The following ZNF280D variants were observed in gnomAD, a reference collection of about 807,000 sequenced individuals.
ZNF280D encodes the protein zinc finger protein 280D.
ZNF280D carries 39 observed loss-of-function variants against 94.7 expected under a neutral mutation model. That is an observed-to-expected ratio of 0.41 (90% CI 0.32 to 0.54). The LOEUF is 0.54. Ranked by LOEUF, ZNF280D falls within the 20% of genes least tolerant of loss-of-function variation. The pLI, the probability that ZNF280D is intolerant of heterozygous loss-of-function variation, is 0.22. For missense variants in ZNF280D, 1,090 were observed against 1,149.3 expected, an observed-to-expected ratio of 0.95 and a Z score of 0.75; for synonymous variants, 398 against 377.6, an observed-to-expected ratio of 1.05 and a Z score of -0.63.
At position 56,664,460 on chromosome 15, in the gene ZNF280D, G is replaced by A. The variant is rs372355388; in HGVS notation, c.1994+1935C>T. 3.1e-4 allele frequency among the ~76,000 whole-genome samples: 47 copies of A among 152,252 alleles called. No individual in the cohort carries two copies. In the South Asian group the frequency reaches 7.9e-3, roughly 26 times the overall value. The stretch of plus-strand genomic sequence containing the variant: ...AATATGGTCATGGTGAACTGGGGGA[G>A]AAAGGACAGTTAATGGGGAAGTGAG... On this transcript the variant is annotated intron_variant, in intron 16 of 21. Transcript: ENST00000267807.
chr15:56,644,537 A>G (rs1415233633), intron 19 of ZNF280D, among the ~76,000 whole-genome samples: 1 of 152,134 alleles, frequency 6.6e-6, no homozygotes, highest in African/African-American at 2.4e-5. Context: ...CAGTTTGAAA[A>G]ACAAATTGGT....
chr15:56,653,651 A>AC, intron 19 of ZNF280D: 6 of 1,408,386 alleles, frequency 4.3e-6, no homozygotes, highest in African/African-American at 1.5e-5. Context: ...AGAAAAAGAC[A>AC]ATTATCTGGC....
intron 1 of ZNF280D, among the ~76,000 whole-genome samples, chr15:56,710,320 C>T (rs1355257082): frequency 6.6e-6 from 1 of 152,114 alleles, no homozygotes; most frequent in African/African-American, 2.4e-5. Context: ...AGGAGAATCG[C>T]TTGAACCCAA....
chr15:56,714,946 T>A (rs552783926), intron 1 of ZNF280D, among the ~76,000 whole-genome samples: 2 of 152,108 alleles, frequency 1.3e-5, no homozygotes, highest in Admixed American at 6.6e-5. Flanking sequence ...AAGTTACCTA[T>A]TAGGGGGATT....
At chr15:56,674,694 G>A (rs1377105138) in intron 13 of ZNF280D, among the ~76,000 whole-genome samples, 1 of 152,028 alleles carries the variant, frequency 6.6e-6, no homozygotes, top group Non-Finnish European at 1.5e-5. Flanking sequence ...GAAAATGCAT[G>A]TAAAGTACCA....
chr15:56,689,492 G>A, intron 7 of ZNF280D, 22 bp from the exon 8 acceptor site: 6 of 1,382,738 alleles, frequency 4.3e-6, no homozygotes, highest in East Asian at 2.6e-5. Context: ...TAAATAGTGA[G>A]AAAAATATTT....
chr15:56,697,436 C>A (rs1358188958), intron 6 of ZNF280D, among the ~76,000 whole-genome samples: 1 of 152,190 alleles, frequency 6.6e-6, no homozygotes, highest in Non-Finnish European at 1.5e-5. Flanking sequence ...CCACTCGCCT[C>A]GGCCTCCCAA....
chr15:56,639,517 A>T (rs1165035552), intron 20 of ZNF280D, among the ~76,000 whole-genome samples: 1 of 152,146 alleles, frequency 6.6e-6, no homozygotes, highest in Non-Finnish European at 1.5e-5. Context: ...ATTTCAAAAC[A>T]CCAGTGACAG....
intron 12 of ZNF280D, 141 bp downstream of exon 12, chr15:56,677,433 T>C: frequency 1.7e-6 from 1 of 574,312 alleles, no homozygotes; most frequent in Non-Finnish European, 3.2e-6. Flanking sequence ...AAACCCAGCT[T>C]GCTGCCTATC....
At chr15:56,700,723 G>A (rs2057010916) in intron 6 of ZNF280D, 5 of 1,459,174 alleles carry the variant, frequency 3.4e-6, no homozygotes, top group East Asian at 5.0e-5. Flanking sequence ...CATACTGCCT[G>A]TTATTAACAG....
intron 19 of ZNF280D, among the ~76,000 whole-genome samples, chr15:56,651,891 G>A (rs2053227671): frequency 6.6e-6 from 1 of 152,082 alleles, no homozygotes; most frequent in Admixed American, 6.6e-5. Flanking sequence ...TATTAACAAT[G>A]TGGTTTATCC....
chr15:56,691,288 AT>A (rs1473501633), intron 7 of ZNF280D, among the ~76,000 whole-genome samples: 1 of 152,078 alleles, frequency 6.6e-6, no homozygotes, highest in African/African-American at 2.4e-5. Context: ...CATAAAAATG[AT>A]TTTTTTCCAT....
intron 17 of ZNF280D, among the ~76,000 whole-genome samples, chr15:56,655,578 T>C (rs562304401): frequency 6.6e-6 from 1 of 152,218 alleles, no homozygotes; most frequent in Admixed American, 6.5e-5. Context: ...AATTCCCTAG[T>C]TATCAATACT....
intron 1 of ZNF280D, among the ~76,000 whole-genome samples, chr15:56,715,996 A>T (rs943352316): frequency 2.0e-5 from 3 of 152,170 alleles, no homozygotes; most frequent in Non-Finnish European, 2.9e-5. Context: ...TAATCTAGAG[A>T]TGATTTAAAG....
At chr15:56,669,885 ATAT>A (rs367548376) in intron 13 of ZNF280D, among the ~76,000 whole-genome samples, 257 of 6,902 alleles carry the variant, frequency 0.037, 34 homozygotes, top group South Asian at 0.068. Flanking sequence ...ATATATATAT[ATAT>A]TATATATATA....
At position 56,704,269 on chromosome 15, in the gene ZNF280D, T is replaced by A. The variant is rs914115706; in HGVS notation, c.29-2A>T. 1.2e-5 allele frequency: 19 copies of A among 1,602,320 alleles called. No homozygotes were observed. The highest frequency in any genetic ancestry group is 1.6e-5 in the Non-Finnish European group (19 of 1,176,762). ...ACAGTTCTGCCATTTTTGAATTACC[T>A]AATTTTCAAAAGGAGAGAAGTAAAC... is the stretch of plus-strand genomic sequence containing the variant. On this transcript the variant is annotated splice_acceptor_variant, in intron 3 of 21. Transcript: ENST00000267807. LOFTEE classifies it high-confidence loss of function.
chr15:56,683,027 C>G (rs1020149183), intron 9 of ZNF280D, among the ~76,000 whole-genome samples: 1 of 151,872 alleles, frequency 6.6e-6, no homozygotes, highest in Non-Finnish European at 1.5e-5. Context: ...CAAAGTTAGT[C>G]TATGAACATT....
intron 21 of ZNF280D, among the ~76,000 whole-genome samples, chr15:56,634,517 A>G (rs1216980100): frequency 6.6e-6 from 1 of 152,148 alleles, no homozygotes; most frequent in Non-Finnish European, 1.5e-5. Flanking sequence ...CTTCATAGGA[A>G]CTTAATCCAT....
rs1267117885 is a variant in ZNF280D, at chr15:56,659,802, G to A, written c.1995-1316C>T. 2.0e-5 allele frequency among the ~76,000 whole-genome samples: 3 copies of A among 151,236 alleles called. No homozygotes were observed. The Admixed American group carries it at 2.0e-4, about 10-fold the overall frequency. ...AGCATTTTCAGTGATTCACACACAC[G>A]CTAAAGTTTAAGAAACAGCAGCCAA... On this transcript the variant is annotated intron_variant, in intron 16 of 21. Coordinates refer to ENST00000267807, the MANE Select transcript of ZNF280D (RefSeq NM_017661.4).
Sources: gnomAD v4.1 joint callset for allele counts (sites outside exome capture counted in the v4.1 genomes callset) on GRCh38, gnomAD v4.1.1 for gene constraint, MANE v1.5 for transcripts, NCBI Gene and HGNC (gene_info 2026-07-23, HGNC 2026-07-21) for gene names.